The following TTC39C variants were observed in gnomAD, a reference collection of about 807,000 sequenced individuals.
TTC39C encodes tetratricopeptide repeat protein 39C.
TTC39C carries 33 observed loss-of-function variants against 76.3 expected under a neutral mutation model. That is an observed-to-expected ratio of 0.43 (90% CI 0.33 to 0.58). The LOEUF (loss-of-function observed/expected upper bound fraction) is 0.58, where lower values mean the gene tolerates loss of function less well. Ranked by LOEUF, TTC39C falls within the 20% of genes least tolerant of loss-of-function variation. The pLI, the probability that TTC39C is intolerant of heterozygous loss-of-function variation, is 0.04. For missense variants in TTC39C, 595 were observed against 701.4 expected (o/e 0.85, Z 1.71); for synonymous variants, 254 against 260.6 (o/e 0.97, Z 0.24).
chr18:24,084,282 G>A (rs539743553), intron 6 of TTC39C, among the ~76,000 whole-genome samples: 91 of 152,042 alleles, frequency 6.0e-4, no homozygotes, highest in Non-Finnish European at 9.9e-4. Context: ...TCAGGAGTTC[G>A]AGACCAGCCT....
At chr18:24,049,988 A>G (rs1413920601) in intron 1 of TTC39C, among the ~76,000 whole-genome samples, 1 of 152,192 alleles carries the variant, frequency 6.6e-6, no homozygotes, top group Non-Finnish European at 1.5e-5. Flanking sequence ...TGGAGGACTC[A>G]GGGTCTGACC....
rs117809551 is a variant in TTC39C, at chr18:24,042,946, C to G, written c.168-21194C>G. 3.6e-3 allele frequency among the ~76,000 whole-genome samples: 546 copies of G among 152,168 alleles called. 19 individuals are homozygous for G. The East Asian group carries it at 0.074, about 21-fold the overall frequency. ...AGCAATTTGAGAGCAGATACCATGA[C>G]TCTCATAAAAATGTCTGTGTTCAGT... On this transcript the variant is annotated intron_variant, in intron 1 of 13. Transcript: ENST00000317571.
chr18:24,023,996 A>C (rs1250951581), intron 1 of TTC39C, among the ~76,000 whole-genome samples: 110 of 3,948 alleles, frequency 0.028, 4 homozygotes, highest in Middle Eastern at 0.091. Context: ...ATATATATAT[A>C]TATATATATA....
chr18:24,001,848 C>T (rs1357056905), intron 1 of TTC39C, among the ~76,000 whole-genome samples: 9 of 20,592 alleles, frequency 4.4e-4, no homozygotes, highest in African/African-American at 1.1e-3. Context: ...TTTTTTGAGA[C>T]GGAGTCTCGC....
chr18:24,045,717 TTC>T (rs1599268524), intron 1 of TTC39C, among the ~76,000 whole-genome samples: 1 of 151,676 alleles, frequency 6.6e-6, no homozygotes, highest in Non-Finnish European at 1.5e-5. Context: ...AAATTACTTC[TTC>T]TGTGTGCACA....
intron 4 of TTC39C, among the ~76,000 whole-genome samples, chr18:24,076,174 T>TTCA (rs1258385499): frequency 6.6e-6 from 1 of 152,070 alleles, no homozygotes; most frequent in Non-Finnish European, 1.5e-5. Flanking sequence ...GAGACAGGGT[T>TTCA]TCACCATGTT....
intron 4 of TTC39C, among the ~76,000 whole-genome samples, chr18:24,076,043 C>T (rs2084303715): frequency 6.6e-6 from 1 of 152,182 alleles, no homozygotes; most frequent in African/African-American, 2.4e-5. Flanking sequence ...GTGGCACAAT[C>T]TTGGGTCACT....
chr18:24,121,350 A>T (rs1039610576), intron 8 of TTC39C, among the ~76,000 whole-genome samples: 16 of 152,254 alleles, frequency 1.1e-4, no homozygotes, highest in Non-Finnish European at 2.4e-4. Flanking sequence ...AGGCGTGTGG[A>T]TCACCTGAGG....
chr18:24,129,533 G>A (rs1257735521), intron 11 of TTC39C, among the ~76,000 whole-genome samples: 1 of 152,058 alleles, frequency 6.6e-6, no homozygotes, highest in Non-Finnish European at 1.5e-5. Context: ...CAGCACTTTG[G>A]GAGGCCAAGG....
At chr18:24,099,189 T>G (rs1397721104) in intron 6 of TTC39C, 1 of 151,602 alleles carries the variant, frequency 6.6e-6, no homozygotes, top group Non-Finnish European at 1.5e-5. Flanking sequence ...TACTATAGAT[T>G]GGGTGACTAA....
At chr18:23,998,779 G>A (rs1220096264) in intron 1 of TTC39C, among the ~76,000 whole-genome samples, 1 of 139,464 alleles carries the variant, frequency 7.2e-6, no homozygotes. Flanking sequence ...CTCTGGTGTA[G>A]TACTGCAGTC....
intron 1 of TTC39C, among the ~76,000 whole-genome samples, chr18:24,045,347 G>T (rs1017439102): frequency 6.6e-6 from 1 of 151,954 alleles, no homozygotes; most frequent in Non-Finnish European, 1.5e-5. Flanking sequence ...AGGGGGCCAG[G>T]GGGGATTTGT....
At chr18:24,097,445 T>C (rs1352210005) in intron 6 of TTC39C, among the ~76,000 whole-genome samples, 1 of 152,220 alleles carries the variant, frequency 6.6e-6, no homozygotes, top group Non-Finnish European at 1.5e-5. Flanking sequence ...ACAATTTCCA[T>C]TGAAAGCTGT....
chr18:24,073,356 A>G (rs561422569), intron 4 of TTC39C, among the ~76,000 whole-genome samples: 30 of 152,206 alleles, frequency 2.0e-4, no homozygotes, highest in Middle Eastern at 3.4e-3. Context: ...TACCTCATCT[A>G]GCTGAGCTGA....
At chr18:24,086,457 A>G (rs1160926577) in intron 6 of TTC39C, among the ~76,000 whole-genome samples, 1 of 152,168 alleles carries the variant, frequency 6.6e-6, no homozygotes, top group Non-Finnish European at 1.5e-5. Flanking sequence ...GGGACTCTGT[A>G]GAGTGAATAT....
At chr18:24,077,909 A>G (rs1226056224) in intron 4 of TTC39C, among the ~76,000 whole-genome samples, 2 of 152,212 alleles carry the variant, frequency 1.3e-5, no homozygotes, top group Non-Finnish European at 1.5e-5. Flanking sequence ...AGAAGCTTCA[A>G]GGTTTTCTCC....
At chr18:24,110,249 A>G (rs961416033) in intron 6 of TTC39C, among the ~76,000 whole-genome samples, 1 of 152,240 alleles carries the variant, frequency 6.6e-6, no homozygotes, top group Non-Finnish European at 1.5e-5. Context: ...AACTGTTAGT[A>G]AGCTATACAT....
rs141364807 is a variant in TTC39C, at chr18:23,999,389, C to T, written c.-17+6351C>T. ...AGCCACGCAGGACTCTCTGGATGGGCCATATGGAGCCACCACACTTCGAAA... is the reference window on the plus strand; with the variant it reads ...AGCCACGCAGGACTCTCTGGATGGGTCATATGGAGCCACCACACTTCGAAA... On this transcript the variant is annotated intron_variant, in intron 1 of 13. Coordinates refer to the TTC39C transcript ENST00000304621. 2.7e-4 allele frequency among the ~76,000 whole-genome samples: 41 copies of T among 152,248 alleles called. 1 individual carries two copies. Among genetic ancestry groups the T allele is most frequent in the Admixed American group, 9.8e-4 (15 of 15,304 alleles).
chr18:23,994,162 A>C (rs2083241202), intron 1 of TTC39C: 1 of 152,190 alleles, frequency 6.6e-6, no homozygotes, highest in Admixed American at 6.5e-5. Context: ...TTTCATTATT[A>C]TTCCTTAGAT....
Sources: gnomAD v4.1 joint callset for allele counts (sites outside exome capture counted in the v4.1 genomes callset) on GRCh38, gnomAD v4.1.1 for gene constraint, MANE v1.5 for transcripts, NCBI Gene and HGNC (gene_info 2026-07-23, HGNC 2026-07-21) for gene names.